Variants in TUFT1 observed in about 807,000 individuals in gnomAD.
TUFT1 encodes the protein tuftelin 1, also known as tuftelin.
A neutral mutation model predicts 57.8 loss-of-function variants in TUFT1; 43 were observed. The observed-to-expected ratio is 0.74, with a 90% CI of 0.58 to 0.96. The LOEUF (loss-of-function observed/expected upper bound fraction) is 0.96. Ranked by LOEUF, TUFT1 falls within the 40% of genes least tolerant of loss-of-function variation. TUFT1 has a pLI of 0.00. For missense variants in TUFT1, 459 were observed against 489.0 expected (o/e 0.94, Z 0.58); for synonymous variants, 166 against 176.7 (o/e 0.94, Z 0.48).
intron 1 of TUFT1, chr1:151,561,769 A>C (rs1183194939): frequency 7.4e-7 from 1 of 1,344,694 alleles, no homozygotes; most frequent in Non-Finnish European, 9.8e-7. Flanking sequence ...CCTCTCTACA[A>C]CTAGAGAAAG....
At position 151,575,301 on chromosome 1, in the gene TUFT1, T is replaced by C. The variant is rs74340559; in HGVS notation, c.818+296T>C. Reference sequence around the variant, plus strand: ...GAGCTGGTGGAGCATCTGCTGTTGCTGTGTGTCATTCCACAGATTAGTGCA... The same window carrying C: ...GAGCTGGTGGAGCATCTGCTGTTGCCGTGTGTCATTCCACAGATTAGTGCA... On this transcript the variant is annotated intron_variant, in intron 9 of 12. Coordinates refer to ENST00000368849, the MANE Select transcript of TUFT1 (RefSeq NM_020127.3). Among the ~76,000 whole-genome samples the C allele has an allele frequency of 1.4e-4, 21 of 152,324 alleles. No individual in the cohort carries two copies. In the East Asian group the frequency reaches 3.7e-3, roughly 27 times the overall value.
At chr1:151,550,803 C>T (rs540670680) in intron 1 of TUFT1, among the ~76,000 whole-genome samples, 1 of 152,226 alleles carries the variant, frequency 6.6e-6, no homozygotes, top group South Asian at 2.1e-4. Context: ...TGGTGCACGC[C>T]TGTAGTCCAG....
At chr1:151,569,316 C>T (rs1159880290) in intron 6 of TUFT1, among the ~76,000 whole-genome samples, 1 of 152,130 alleles carries the variant, frequency 6.6e-6, no homozygotes, top group Non-Finnish European at 1.5e-5. Context: ...GAGCTGTAGG[C>T]AGATAGAGGG....
At chr1:151,569,998 C>T (rs1165994437) in intron 7 of TUFT1, among the ~76,000 whole-genome samples, 1 of 152,206 alleles carries the variant, frequency 6.6e-6, no homozygotes, top group Admixed American at 6.5e-5. Context: ...GGATTCTCTG[C>T]TCTGATGAGT....
chr1:151,556,075 A>G (rs76549179), intron 1 of TUFT1, among the ~76,000 whole-genome samples: 3,509 of 152,296 alleles, frequency 0.023, 128 homozygotes, highest in African/African-American at 0.081. Context: ...TGTTATTTAA[A>G]AAATGTTACA....
rs1274943472 is a variant in TUFT1 at position 151,563,995 on chromosome 1, G to T, written c.324+5G>T. The T allele has an allele frequency of 6.2e-7, 1 of 1,612,548 alleles. No homozygotes were observed. Among genetic ancestry groups the T allele is most frequent in the Admixed American group, 1.7e-5 (1 of 59,914 alleles). On this transcript the variant is annotated splice_donor_5th_base_variant and intron_variant, in intron 4 of 12. Coordinates refer to ENST00000368849, the MANE Select transcript of TUFT1 (RefSeq NM_020127.3). The stretch of plus-strand genomic sequence containing the variant: ...GAGGTCCAGTACATCCAGGAGGTGG[G>T]CACCCCTTACCTCTCACGCAGTGCC...
intron 2 of TUFT1, 75 bp from the exon 3 acceptor site, chr1:151,562,510 A>G: frequency 8.0e-7 from 1 of 1,256,842 alleles, no homozygotes; most frequent in Non-Finnish European, 1.1e-6. Context: ...GCTGAGGGGC[A>G]GGAGTTCTGG....
chr1:151,565,984 T>G, intron 5 of TUFT1, 179 bp from the exon 6 acceptor site: 62 of 433,948 alleles, frequency 1.4e-4, no homozygotes, highest in East Asian at 6.6e-4. Context: ...CTCTTCTCCT[T>G]TCTTCATTCC....
intron 1 of TUFT1, among the ~76,000 whole-genome samples, chr1:151,558,899 C>G (rs980033872): frequency 2.6e-5 from 4 of 151,958 alleles, no homozygotes; most frequent in African/African-American, 9.7e-5. Flanking sequence ...ATTCTCCTGC[C>G]TCAGCCTCCC....
Position 151,574,935 on chromosome 1 carries a change from G to T in TUFT1, c.748G>T (p.Val250Leu). 6.3e-7 allele frequency: 1 copy of T among 1,576,642 alleles called. No individual in the cohort carries two copies. The highest frequency in any genetic ancestry group is 8.6e-7 in the Non-Finnish European group (1 of 1,160,666). Reference protein sequence around the residue: ...ETEHQALLAKVREGEVALEEL... With the variant: ...ETEHQALLAKLREGEVALEEL... ...GGAGCATCAGGCCTTACTGGCGAAA[G>T]TGAGGGAAGGGGAGGTGGCCCTAGA... Residue 250 changes from valine (V) to leucine (L), a missense_variant, in exon 9 of 13, where the codon GTG (valine) becomes TTG (leucine). Val to Leu is a conservative substitution (Grantham distance 32). Transcript: ENST00000368849.
chr1:151,577,937 G>T (rs1438680625), intron 9 of TUFT1, among the ~76,000 whole-genome samples: 1 of 151,860 alleles, frequency 6.6e-6, no homozygotes, highest in Non-Finnish European at 1.5e-5. Flanking sequence ...GAGGTAGGAG[G>T]ATTGCTTGAG....
At chr1:151,575,999 A>G (rs1037199439) in intron 9 of TUFT1, among the ~76,000 whole-genome samples, 3 of 152,226 alleles carry the variant, frequency 2.0e-5, no homozygotes, top group Non-Finnish European at 4.4e-5. Flanking sequence ...GTAGGTGCGC[A>G]TGGGCAGAGC....
chr1:151,564,511 C>T lies in TUFT1; in HGVS notation c.325-14C>T. The T allele has an allele frequency of 1.2e-6, 2 of 1,608,250 alleles. No individual in the cohort carries two copies. Among genetic ancestry groups the T allele is most frequent in the Non-Finnish European group, 1.7e-6 (2 of 1,175,120 alleles). On this transcript the variant is annotated splice_polypyrimidine_tract_variant and intron_variant, in intron 4 of 12. Transcript: ENST00000368849. ...TCTACCCTAAAGCTCAAGTTTCTTCCCCTCCCCTCCCAGGCCAGGAACTGC... is the reference window on the plus strand; with the variant it reads ...TCTACCCTAAAGCTCAAGTTTCTTCTCCTCCCCTCCCAGGCCAGGAACTGC...
At chr1:151,562,283 C>T (rs1341972133) in intron 2 of TUFT1, 118 bp downstream of exon 2, 1 of 882,366 alleles carries the variant, frequency 1.1e-6, no homozygotes, top group Admixed American at 2.2e-5. Flanking sequence ...GGGAGCCCCT[C>T]CTTTCAGCAA....
At chr1:151,545,818 C>G (rs1443724884) in intron 1 of TUFT1, 2 of 533,208 alleles carry the variant, frequency 3.8e-6, no homozygotes, top group Non-Finnish European at 7.7e-6. Context: ...TTTGCTAGTC[C>G]TGACTCAGCC....
intron 9 of TUFT1, among the ~76,000 whole-genome samples, chr1:151,577,735 A>G (rs897761079): frequency 6.6e-6 from 1 of 152,152 alleles, no homozygotes; most frequent in African/African-American, 2.4e-5. Flanking sequence ...TAATAATCCC[A>G]GCTCCAACTG....
At chr1:151,557,648 G>C (rs1665749453) in intron 1 of TUFT1, 4 of 1,012,428 alleles carry the variant, frequency 4.0e-6, no homozygotes, top group Admixed American at 3.4e-5. Context: ...CATTTCCACT[G>C]GTACGTTACC....
At chr1:151,555,135 C>T (rs1665644705) in intron 1 of TUFT1, among the ~76,000 whole-genome samples, 1 of 149,978 alleles carries the variant, frequency 6.7e-6, no homozygotes, top group Non-Finnish European at 1.5e-5. Flanking sequence ...CAAGACCAGC[C>T]TGGGCAACAT....
chr1:151,572,681 A>G (rs1666295857), intron 7 of TUFT1, among the ~76,000 whole-genome samples: 1 of 152,176 alleles, frequency 6.6e-6, no homozygotes, highest in Non-Finnish European at 1.5e-5. Flanking sequence ...ATCAATTACC[A>G]TGAAAATAAC....
Sources: allele counts gnomAD v4.1 joint callset (sites outside exome capture counted in the v4.1 genomes callset), GRCh38; gene constraint gnomAD v4.1.1; transcripts MANE v1.5; gene names NCBI Gene and HGNC (gene_info 2026-07-23, HGNC 2026-07-21).